Variants in KLF12 observed in about 807,000 individuals in gnomAD.
The protein encoded by KLF12 is Krueppel-like factor 12.
In KLF12, 9 loss-of-function variants were observed where a neutral mutation model predicts 37.8. The ratio of observed to expected loss-of-function variants is 0.24; its 90% CI spans 0.14 to 0.42. KLF12 has a LOEUF of 0.42. KLF12 is among the 10% of genes least tolerant of loss of function. The pLI is 1.00. For synonymous variants in KLF12, 208 were observed against 202.1 expected, an observed-to-expected ratio of 1.03 and a Z score of -0.25; for missense variants, 411 against 516.0, an observed-to-expected ratio of 0.80 and a Z score of 1.97.
chr13:74,090,693 G>A (rs1325154919), intron 1 of KLF12, among the ~76,000 whole-genome samples: 1 of 151,648 alleles, frequency 6.6e-6, no homozygotes, highest in Non-Finnish European at 1.5e-5. Context: ...TTTTTGATTG[G>A]GCTTTTCTGC....
chr13:73,799,749 A>T (rs1298530739), intron 5 of KLF12, among the ~76,000 whole-genome samples: 2 of 152,112 alleles, frequency 1.3e-5, no homozygotes, highest in African/African-American at 4.8e-5. Context: ...ATATTAGAAA[A>T]AGTGTCTCTT....
At chr13:74,031,506 T>C (rs1893112787) in intron 1 of KLF12, among the ~76,000 whole-genome samples, 1 of 152,142 alleles carries the variant, frequency 6.6e-6, no homozygotes, top group East Asian at 1.9e-4. Context: ...TTACTGGTAA[T>C]AACTTAACTC....
chr13:74,201,374 C>T, the KLF12 span, among the ~76,000 whole-genome samples: 1 of 151,746 alleles, frequency 6.6e-6, no homozygotes, highest in Admixed American at 6.6e-5. Flanking sequence ...AGGTAAAATC[C>T]TTTTCCTTTT....
chr13:73,856,870 C>T (rs57359556), intron 3 of KLF12, among the ~76,000 whole-genome samples: 4,021 of 151,958 alleles, frequency 0.026, 171 homozygotes, highest in African/African-American at 0.09. Flanking sequence ...GCCTGTAGTC[C>T]CAGCTACTCC....
intron 6 of KLF12, among the ~76,000 whole-genome samples, chr13:73,761,021 G>A (rs1879513961): frequency 6.6e-6 from 1 of 152,076 alleles, no homozygotes; most frequent in Non-Finnish European, 1.5e-5. Context: ...CCAAAATGTA[G>A]CTTAAAGATT....
chr13:73,780,966 A>T (rs1880927698), intron 5 of KLF12, among the ~76,000 whole-genome samples: 1 of 152,240 alleles, frequency 6.6e-6, no homozygotes, highest in Non-Finnish European at 1.5e-5. Flanking sequence ...ACTGCATGCT[A>T]CAGAGAAATC....
chr13:73,876,437 T>G (rs553280110), intron 3 of KLF12, among the ~76,000 whole-genome samples: 1 of 152,286 alleles, frequency 6.6e-6, no homozygotes, highest in African/African-American at 2.4e-5. Context: ...TGGGACAATC[T>G]CCCTTTCTTA....
chr13:73,779,536 CCAT>C (rs938837542), intron 5 of KLF12, among the ~76,000 whole-genome samples: 34 of 152,322 alleles, frequency 2.2e-4, no homozygotes, highest in African/African-American at 7.9e-4. Context: ...TCCATTTCTT[CCAT>C]CTGGCTGCCC....
At chr13:74,301,872 C>G in the KLF12 span, among the ~76,000 whole-genome samples, 2 of 152,056 alleles carry the variant, frequency 1.3e-5, no homozygotes. Context: ...CTGAGCTGCC[C>G]GTGTTAAATG....
the KLF12 span, among the ~76,000 whole-genome samples, chr13:74,303,359 CA>C: frequency 5.3e-5 from 8 of 152,098 alleles, no homozygotes; most frequent in Non-Finnish European, 8.8e-5. Context: ...TTCACATCCA[CA>C]TTTTCTATGT....
At chr13:74,073,923 A>C (rs1293958385) in intron 1 of KLF12, among the ~76,000 whole-genome samples, 1 of 152,224 alleles carries the variant, frequency 6.6e-6, no homozygotes, top group Non-Finnish European at 1.5e-5. Flanking sequence ...AACAGAAGGA[A>C]TGCCTTGTTA....
Position 73,882,742 on chromosome 13 carries a change from A to T in KLF12, c.124-36369T>A, listed in dbSNP as rs146605123. Among the ~76,000 whole-genome samples the T allele has an allele frequency of 3.9e-3, 594 of 152,348 alleles. 2 individuals are homozygous for T. Among genetic ancestry groups the T allele is most frequent in the Non-Finnish European group, 7.1e-3 (482 of 68,024 alleles). On this transcript the variant is annotated intron_variant, in intron 3 of 7. Transcript: ENST00000377669. ...TGAATGCTTCTAATGTTTTGATATC[A>T]TCTTAAAAACATTACAAAAGAATTA...
chr13:73,925,633 A>C (rs1388539725), intron 3 of KLF12, among the ~76,000 whole-genome samples: 1 of 152,184 alleles, frequency 6.6e-6, no homozygotes, highest in African/African-American at 2.4e-5. Flanking sequence ...TTGATTTTCA[A>C]TTATTATTAT....
At chr13:74,019,980 A>C (rs1042400556) in intron 1 of KLF12, among the ~76,000 whole-genome samples, 1 of 152,232 alleles carries the variant, frequency 6.6e-6, no homozygotes, top group Non-Finnish European at 1.5e-5. Flanking sequence ...CTGAAATCCC[A>C]TGGCCTGTGG....
intron 1 of KLF12, among the ~76,000 whole-genome samples, chr13:74,089,636 T>C (rs1193799340): frequency 6.6e-6 from 1 of 151,574 alleles, no homozygotes; most frequent in East Asian, 1.9e-4. Flanking sequence ...GCAAGGTTGG[T>C]TTAACATCTG....
chr13:74,080,151 G>T (rs141285828), intron 1 of KLF12, among the ~76,000 whole-genome samples: 42 of 152,274 alleles, frequency 2.8e-4, no homozygotes, highest in African/African-American at 1.0e-3. Flanking sequence ...TCCACTTAAA[G>T]TTCCAAGCCA....
the KLF12 span, among the ~76,000 whole-genome samples, chr13:74,201,441 C>G: frequency 2.0e-5 from 3 of 152,130 alleles, no homozygotes; most frequent in African/African-American, 7.2e-5. Flanking sequence ...TTGGCTAGAT[C>G]TTTTCAAATT....
the KLF12 span, among the ~76,000 whole-genome samples, chr13:74,161,476 C>A: frequency 6.6e-6 from 1 of 152,122 alleles, no homozygotes; most frequent in South Asian, 2.1e-4. Context: ...TAGAGTGATG[C>A]AGCTCCAAGC....
At chr13:74,245,757 T>A in the KLF12 span, among the ~76,000 whole-genome samples, 2 of 152,210 alleles carry the variant, frequency 1.3e-5, no homozygotes, top group Non-Finnish European at 2.9e-5. Flanking sequence ...AGTCACCTAA[T>A]ACAGTTTTTC....
Sources: allele counts gnomAD v4.1 joint callset (sites outside exome capture counted in the v4.1 genomes callset), GRCh38; gene constraint gnomAD v4.1.1; transcripts MANE v1.5; gene names NCBI Gene and HGNC (gene_info 2026-07-23, HGNC 2026-07-21).